Variants in PRKG1 observed in about 807,000 individuals in gnomAD.
The protein encoded by PRKG1 is cGMP-dependent protein kinase 1.
PRKG1 carries 35 observed loss-of-function variants against 88.1 expected under a neutral mutation model. That is an observed-to-expected ratio of 0.40 (90% CI 0.30 to 0.53). The LOEUF is 0.53. Among genes scored for constraint, PRKG1 ranks in the 20% least tolerant of loss-of-function variants. The pLI is 0.59. For missense variants in PRKG1, 540 were observed against 839.8 expected (o/e 0.64, Z 4.41); for synonymous variants, 303 against 292.5 (o/e 1.04, Z -0.37).
intron 3 of PRKG1, among the ~76,000 whole-genome samples, chr10:51,514,401 C>T (rs1293814618): frequency 6.6e-6 from 1 of 151,888 alleles, no homozygotes; most frequent in Non-Finnish European, 1.5e-5. Context: ...TTTAAAAAGT[C>T]CTTATTAAAA....
intron 3 of PRKG1, among the ~76,000 whole-genome samples, chr10:51,477,626 C>A (rs936568062): frequency 6.6e-6 from 1 of 151,866 alleles, no homozygotes; most frequent in African/African-American, 2.4e-5. Flanking sequence ...GTGCTTAGTG[C>A]GGCAACGAAC....
intron 2 of PRKG1, among the ~76,000 whole-genome samples, chr10:51,362,538 C>G (rs1336415907): frequency 6.6e-6 from 1 of 151,690 alleles, no homozygotes; most frequent in Non-Finnish European, 1.5e-5. Flanking sequence ...TATTGACCAC[C>G]ATTTATTCCA....
chr10:51,374,005 G>A (rs900275719), intron 2 of PRKG1, among the ~76,000 whole-genome samples: 8 of 149,510 alleles, frequency 5.4e-5, no homozygotes, highest in African/African-American at 1.2e-4. Flanking sequence ...AGCTGGGGGC[G>A]GTGTAAGGCG....
At chr10:51,881,598 G>A (rs1381572086) in intron 4 of PRKG1, among the ~76,000 whole-genome samples, 2 of 152,180 alleles carry the variant, frequency 1.3e-5, no homozygotes, top group East Asian at 3.9e-4. Flanking sequence ...AACTGGCATA[G>A]CCATTCTATT....
chr10:51,138,670 G>GTTTT lies in PRKG1; in HGVS notation c.312-14493_312-14490dup, dbSNP rs1402122952. 3.1e-3 allele frequency among the ~76,000 whole-genome samples: 207 copies of GTTTT among 67,040 alleles called. 4 individuals carry two copies. The highest frequency in any genetic ancestry group is 5.3e-3 in the South Asian group (7 of 1,328). 44.0% of individuals were successfully genotyped at this position (67,040 alleles called of 152,430 possible). ...GGAATCCAGTCTTTTTGGACATTGA[G>GTTTT]TTTTGTTTTTTTTTTTTTTTTTTTT... On this transcript the variant is annotated intron_variant, in intron 1 of 17. Coordinates refer to ENST00000373980, the MANE Select transcript of PRKG1 (RefSeq NM_006258.4).
intron 2 of PRKG1, among the ~76,000 whole-genome samples, chr10:51,282,116 G>A (rs1840315179): frequency 2.0e-5 from 3 of 152,174 alleles, no homozygotes; most frequent in Admixed American, 6.5e-5. Flanking sequence ...ATGTGAAGAT[G>A]CAAACCTGAC....
At chr10:51,864,541 G>T (rs533040020) in intron 4 of PRKG1, among the ~76,000 whole-genome samples, 107 of 152,266 alleles carry the variant, frequency 7.0e-4, no homozygotes, top group Admixed American at 1.9e-3. Flanking sequence ...AACATTTCAT[G>T]TTAAAACATT....
intron 1 of PRKG1, among the ~76,000 whole-genome samples, chr10:51,086,904 A>C (rs747328820): frequency 1.3e-5 from 2 of 152,204 alleles, no homozygotes; most frequent in Non-Finnish European, 2.9e-5. Flanking sequence ...GGTTACTGTC[A>C]GGGTGATGGA....
chr10:52,132,736 GA>G (rs1159113115), intron 7 of PRKG1, among the ~76,000 whole-genome samples: 3 of 151,704 alleles, frequency 2.0e-5, no homozygotes, highest in African/African-American at 7.3e-5. Flanking sequence ...ATTGTTTTTG[GA>G]AAAAGTAAAT....
chr10:51,989,070 G>A (rs1250212078), intron 5 of PRKG1, among the ~76,000 whole-genome samples: 1 of 152,034 alleles, frequency 6.6e-6, no homozygotes, highest in African/African-American at 2.4e-5. Context: ...AGCTAGAGTA[G>A]AGATGAGCAC....
intron 1 of PRKG1, among the ~76,000 whole-genome samples, chr10:51,094,928 G>A (rs1275543915): frequency 6.6e-6 from 1 of 152,090 alleles, no homozygotes; most frequent in Non-Finnish European, 1.5e-5. Context: ...TTGAAGCTTA[G>A]GGAAATTAAA....
At chr10:51,580,311 A>T (rs1486071421) in intron 3 of PRKG1, among the ~76,000 whole-genome samples, 2 of 152,122 alleles carry the variant, frequency 1.3e-5, no homozygotes, top group Non-Finnish European at 2.9e-5. Context: ...CTTTGAGATC[A>T]TTCACCCAAA....
intron 4 of PRKG1, among the ~76,000 whole-genome samples, chr10:51,880,830 C>G (rs1275155876): frequency 6.6e-6 from 1 of 152,124 alleles, no homozygotes; most frequent in Non-Finnish European, 1.5e-5. Context: ...ATCGGTTCAT[C>G]AATTCAAGAA....
chr10:51,844,321 G>GA (rs1382044416), intron 4 of PRKG1, among the ~76,000 whole-genome samples: 1 of 152,108 alleles, frequency 6.6e-6, no homozygotes, highest in East Asian at 1.9e-4. Flanking sequence ...TCTTACAAGT[G>GA]AAAAAATATG....
chr10:51,530,159 A>G (rs1214795580), intron 3 of PRKG1, among the ~76,000 whole-genome samples: 2 of 152,210 alleles, frequency 1.3e-5, no homozygotes, highest in Admixed American at 1.3e-4. Flanking sequence ...TTATGTGTCC[A>G]GATACATATT....
chr10:52,251,764 T>C, intron 10 of PRKG1, 98 bp downstream of exon 10: 1 of 995,644 alleles, frequency 1.0e-6, no homozygotes, highest in Non-Finnish European at 1.5e-6. Flanking sequence ...GTTTTGTCTT[T>C]CATCATTAAT....
intron 5 of PRKG1, among the ~76,000 whole-genome samples, chr10:51,921,206 T>C (rs1258478302): frequency 6.6e-6 from 1 of 152,146 alleles, no homozygotes; most frequent in East Asian, 1.9e-4. Context: ...TAATTTCAAA[T>C]TTCAATTATT....
chr10:51,384,973 C>T (rs907400317), intron 2 of PRKG1, among the ~76,000 whole-genome samples: 4 of 152,286 alleles, frequency 2.6e-5, no homozygotes, highest in African/African-American at 9.6e-5. Flanking sequence ...GAAACAAGAA[C>T]ATAATCTTCT....
intron 11 of PRKG1, among the ~76,000 whole-genome samples, chr10:52,272,030 T>C (rs1255605024): frequency 3.9e-5 from 6 of 152,100 alleles, no homozygotes; most frequent in African/African-American, 1.4e-4. Flanking sequence ...TCTGAATCTG[T>C]AAAGTTTAAT....
Sources: gnomAD v4.1 joint callset for allele counts (sites outside exome capture counted in the v4.1 genomes callset) on GRCh38, gnomAD v4.1.1 for gene constraint, MANE v1.5 for transcripts, NCBI Gene and HGNC (gene_info 2026-07-23, HGNC 2026-07-21) for gene names.